PCDH15: variants seen among roughly 807,000 people sequenced by gnomAD.
The protein encoded by PCDH15 is protocadherin-15.
A neutral mutation model predicts 178.5 loss-of-function variants in PCDH15; 129 were observed. The ratio of observed to expected loss-of-function variants is 0.72; its 90% CI spans 0.63 to 0.84. PCDH15 has a LOEUF of 0.84. Among genes scored for constraint, PCDH15 ranks in the 40% least tolerant of loss-of-function variants. The pLI, the probability that PCDH15 is intolerant of heterozygous loss-of-function variation, is 0.00. For missense variants in PCDH15, 2,230 were observed against 2,099.9 expected (o/e 1.06, Z -1.21); for synonymous variants, 800 against 732.0 (o/e 1.09, Z -1.50).
At chr10:54,013,970 T>C (rs1565011864) in intron 20 of PCDH15, among the ~76,000 whole-genome samples, 1 of 151,894 alleles carries the variant, frequency 6.6e-6, no homozygotes, top group East Asian at 1.9e-4. Flanking sequence ...TTAGGAATTA[T>C]CTTAGTTATT....
intron 5 of PCDH15, among the ~76,000 whole-genome samples, chr10:54,348,118 G>T (rs1943607580): frequency 6.6e-6 from 1 of 152,088 alleles, no homozygotes. Flanking sequence ...AAAGTGCTGG[G>T]ATTACAGGCT....
chr10:54,375,898 A>AAT (rs1565118991), intron 4 of PCDH15, among the ~76,000 whole-genome samples: 10 of 139,588 alleles, frequency 7.2e-5, no homozygotes, highest in Non-Finnish European at 1.2e-4. Flanking sequence ...TATATATATA[A>AAT]TTTTTTTTCT....
chr10:54,463,537 C>G (rs952006954), intron 3 of PCDH15, among the ~76,000 whole-genome samples: 2 of 152,068 alleles, frequency 1.3e-5, no homozygotes, highest in African/African-American at 4.8e-5. Flanking sequence ...TACGCCAAAG[C>G]CTTGCCAGGA....
At chr10:53,903,902 AC>A (rs1331021469) in intron 25 of PCDH15, among the ~76,000 whole-genome samples, 3 of 152,196 alleles carry the variant, frequency 2.0e-5, no homozygotes, top group Admixed American at 2.0e-4. Context: ...CAAATGGAAA[AC>A]AAGTTTTATC....
intron 15 of PCDH15, among the ~76,000 whole-genome samples, chr10:54,126,699 A>C (rs1333593000): frequency 6.6e-6 from 1 of 151,404 alleles, no homozygotes; most frequent in Non-Finnish European, 1.5e-5. Context: ...ACATAAATAT[A>C]ATGGACACTT....
chr10:54,653,168 T>A (rs1315626681), intron 2 of PCDH15, among the ~76,000 whole-genome samples: 1 of 152,102 alleles, frequency 6.6e-6, no homozygotes, highest in Non-Finnish European at 1.5e-5. Context: ...AACATATAGG[T>A]TAAGTAGGAG....
intron 1 of PCDH15, among the ~76,000 whole-genome samples, chr10:55,316,620 A>G (rs1294853626): frequency 6.6e-6 from 1 of 152,138 alleles, no homozygotes; most frequent in Non-Finnish European, 1.5e-5. Context: ...ATTAATGAAG[A>G]CAGATTTTAT....
At chr10:54,992,437 T>C (rs1436749653) in intron 2 of PCDH15, among the ~76,000 whole-genome samples, 1 of 152,072 alleles carries the variant, frequency 6.6e-6, no homozygotes, top group Non-Finnish European at 1.5e-5. Flanking sequence ...AACATCCTCT[T>C]ATACCTGAGA....
intron 2 of PCDH15, among the ~76,000 whole-genome samples, chr10:55,467,675 T>C (rs1175873142): frequency 6.6e-6 from 1 of 151,560 alleles, no homozygotes; most frequent in Non-Finnish European, 1.5e-5. Flanking sequence ...GACTAAGAAT[T>C]AAAAGTGAGG....
At chr10:53,957,707 G>T (rs192677730) in intron 23 of PCDH15, among the ~76,000 whole-genome samples, 1 of 151,834 alleles carries the variant, frequency 6.6e-6, no homozygotes, top group Non-Finnish European at 1.5e-5. Context: ...TTCTGACCAC[G>T]GTTGACCTCG....
intron 1 of PCDH15, among the ~76,000 whole-genome samples, chr10:55,215,495 C>T (rs1840679303): frequency 6.6e-6 from 1 of 151,944 alleles, no homozygotes; most frequent in South Asian, 2.1e-4. Context: ...TCTTTACTTC[C>T]CTCCTTGTTA....
chr10:55,435,051 G>C (rs1322425748), intron 2 of PCDH15, among the ~76,000 whole-genome samples: 2 of 152,142 alleles, frequency 1.3e-5, no homozygotes, highest in Non-Finnish European at 2.9e-5. Flanking sequence ...GATTGGCTGA[G>C]GCAAAGTTTT....
chr10:54,229,066 ATC>A (rs1244117901), intron 9 of PCDH15, among the ~76,000 whole-genome samples: 1 of 152,204 alleles, frequency 6.6e-6, no homozygotes, highest in Non-Finnish European at 1.5e-5. Context: ...GCTGAGAAAT[ATC>A]TCTGCAAATA....
At position 54,421,847 on chromosome 10, in the gene PCDH15, C is replaced by CTATA. The variant is rs372564880; in HGVS notation, c.158-42909_158-42906dup. ...ATATATATATATATATACACACACA[C>CTATA]TATATATATATATATACACACACTA... is the stretch of plus-strand genomic sequence containing the variant. On this transcript the variant is annotated intron_variant, in intron 3 of 37. Coordinates refer to ENST00000644397, the MANE Select transcript of PCDH15 (RefSeq NM_001384140.1). Among the ~76,000 whole-genome samples the CTATA allele has an allele frequency of 6.5e-4, 61 of 93,494 alleles. 2 individuals carry two copies. Among genetic ancestry groups the CTATA allele is most frequent in the East Asian group, 2.1e-3 (9 of 4,242 alleles). The allele number at this position is 93,494 out of a possible 152,430, so 61.3% of individuals were successfully genotyped here.
At chr10:54,923,262 T>C (rs1837540215) in intron 2 of PCDH15, among the ~76,000 whole-genome samples, 1 of 138,422 alleles carries the variant, frequency 7.2e-6, no homozygotes, top group Non-Finnish European at 1.7e-5. Flanking sequence ...GGTCCCTGGG[T>C]CTAGCCCATG....
intron 20 of PCDH15, among the ~76,000 whole-genome samples, chr10:54,009,129 G>C (rs2092484127): frequency 6.6e-6 from 1 of 151,838 alleles, no homozygotes; most frequent in Non-Finnish European, 1.5e-5. Flanking sequence ...GGGAAAGAGA[G>C]GTATGAAAAG....
chr10:53,959,583 A>G (rs535809450), intron 23 of PCDH15, 149 bp downstream of exon 23: 1 of 621,978 alleles, frequency 1.6e-6, no homozygotes, highest in East Asian at 2.8e-5. Flanking sequence ...ACCATTTAAA[A>G]ATTTAAACTA....
At chr10:54,206,406 TC>T (rs746925743) in intron 10 of PCDH15, among the ~76,000 whole-genome samples, 1 of 152,064 alleles carries the variant, frequency 6.6e-6, no homozygotes, top group Non-Finnish European at 1.5e-5. Context: ...GATATAAAAT[TC>T]TGATAGTGAT....
intron 2 of PCDH15, among the ~76,000 whole-genome samples, chr10:54,555,497 C>T (rs956922421): frequency 1.3e-5 from 2 of 151,436 alleles, no homozygotes; most frequent in East Asian, 2.0e-4. Flanking sequence ...TGTGGGAGGC[C>T]GAGGCGGGCA....
Sources: gnomAD v4.1 joint callset for allele counts (sites outside exome capture counted in the v4.1 genomes callset) on GRCh38, gnomAD v4.1.1 for gene constraint, MANE v1.5 for transcripts, NCBI Gene and HGNC (gene_info 2026-07-23, HGNC 2026-07-21) for gene names.